LRRK1: variants seen among roughly 807,000 people sequenced by gnomAD.
LRRK1 encodes leucine-rich repeat serine/threonine-protein kinase 1.
LRRK1 carries 113 observed loss-of-function variants against 209.1 expected under a neutral mutation model. That is an observed-to-expected ratio of 0.54 (90% CI 0.46 to 0.63). The LOEUF (loss-of-function observed/expected upper bound fraction) is 0.63, where lower values mean the gene tolerates loss of function less well. Ranked by LOEUF, LRRK1 falls within the 30% of genes least tolerant of loss-of-function variation. The pLI is 0.00. For synonymous variants in LRRK1, 1,144 were observed against 1,099.7 expected, an observed-to-expected ratio of 1.04 and a Z score of -0.80; for missense variants, 2,284 against 2,632.2, an observed-to-expected ratio of 0.87 and a Z score of 2.89.
At chr15:101,041,938 CTCTT>C (rs1179062409) in intron 20 of LRRK1, among the ~76,000 whole-genome samples, 6 of 152,258 alleles carry the variant, frequency 3.9e-5, no homozygotes, top group African/African-American at 1.2e-4. Context: ...CTCTCTCTCT[CTCTT>C]TCTAAATATC....
At position 100,989,296 on chromosome 15, in the gene LRRK1, C is replaced by T. The variant is rs750715367; in HGVS notation, c.660C>T (p.Phe220=). 4 of 1,614,134 alleles carry T rather than the reference C, an allele frequency of 2.5e-6. No homozygotes were observed. The highest frequency in any genetic ancestry group is 3.4e-6 in the Non-Finnish European group (4 of 1,179,976). Residue 220 remains phenylalanine, a synonymous_variant, in exon 6 of 34, where the codon TTC becomes TTT. Transcript: ENST00000388948. The part of the protein sequence containing the change: ...AIFLLRHGAY[F]CSYILLDSPD... ...TCCTGCTTCGGCATGGGGCCTATTT[C>T]TGTTCCTACATCTTGCTGGATAGTC...
At chr15:100,990,457 C>T (rs1054181729) in intron 6 of LRRK1, among the ~76,000 whole-genome samples, 1 of 152,118 alleles carries the variant, frequency 6.6e-6, no homozygotes, top group Non-Finnish European at 1.5e-5. Context: ...TGGTGATTCA[C>T]ATTTTCACCA....
chr15:101,048,828 G>A (rs926955619), intron 22 of LRRK1, among the ~76,000 whole-genome samples, 171 bp downstream of exon 22: 6 of 152,200 alleles, frequency 3.9e-5, no homozygotes, highest in African/African-American at 7.2e-5. Context: ...TGTCCCAGAG[G>A]CTCCGGTCTC....
At chr15:100,973,715 C>G (rs1173503211) in intron 2 of LRRK1, 89 bp from the exon 3 acceptor site, 17 of 1,192,936 alleles carry the variant, frequency 1.4e-5, no homozygotes, top group Non-Finnish European at 1.7e-5. Context: ...CAACGGGCCG[C>G]GCCGCCTCCT....
intron 2 of LRRK1, among the ~76,000 whole-genome samples, chr15:100,968,516 G>A (rs1242834244): frequency 6.6e-6 from 1 of 152,128 alleles, no homozygotes; most frequent in African/African-American, 2.4e-5. Context: ...TACAGTTTTA[G>A]CCATTCTGGT....
chr15:100,942,736 A>G (rs2042465105), intron 2 of LRRK1, among the ~76,000 whole-genome samples: 1 of 152,202 alleles, frequency 6.6e-6, no homozygotes, highest in Admixed American at 6.5e-5. Flanking sequence ...CTCACTGAAG[A>G]AAACTGGTAC....
At chr15:101,068,550 A>G (rs1339869281) in intron 33 of LRRK1, 121 bp from the exon 34 acceptor site, 1 of 1,023,488 alleles carries the variant, frequency 9.8e-7, no homozygotes, top group Non-Finnish European at 1.4e-6. Flanking sequence ...AGGGCTGGCA[A>G]GCAGACACAC....
intron 2 of LRRK1, among the ~76,000 whole-genome samples, chr15:100,964,051 T>C (rs1418414646): frequency 6.6e-6 from 1 of 152,192 alleles, no homozygotes; most frequent in Non-Finnish European, 1.5e-5. Context: ...TGGTAATCTA[T>C]GCCGTGAAGC....
chr15:101,024,746 T>C lies in LRRK1; in HGVS notation c.2068-57T>C. ...GAGTTATCCGTTGTCTCCGTTTGATTGACTGAAGCCTTTGTCTCTAAAATG... is the reference window on the plus strand; with the variant it reads ...GAGTTATCCGTTGTCTCCGTTTGATCGACTGAAGCCTTTGTCTCTAAAATG... On this transcript the variant is annotated intron_variant, in intron 15 of 33. Transcript: ENST00000388948. This position sits in a 1 kb window ranked among gnomAD's most constrained non-coding sequence, Gnocchi z 4.6. 1.9e-6 allele frequency: 3 copies of C among 1,565,470 alleles called. No homozygotes were observed. In the South Asian group the frequency reaches 3.4e-5, roughly 18 times the overall value.
chr15:101,009,040 A>G lies in LRRK1; in HGVS notation c.966A>G (p.Ser322=), dbSNP rs745954397. The change falls in exon 7 of 34, where the codon TCA becomes TCG. Residue 322 remains serine (S), a synonymous_variant. Coordinates refer to ENST00000388948, the MANE Select transcript of LRRK1 (RefSeq NM_024652.6). ...NHLGELPGVQ[S]SDEIICSRLL... is the part of the protein sequence containing the mutation. The stretch of plus-strand genomic sequence containing the variant: ...TGGGGGAGCTGCCTGGCGTGCAGTC[A>G]TCGGACGAAATCATCTGTTCCAGGT... 5 of 1,613,990 alleles carry G rather than the reference A, an allele frequency of 3.1e-6. No homozygotes were observed. The South Asian group carries it at 5.5e-5, about 18-fold the overall frequency.
rs1243857037 is a variant in LRRK1 at position 101,010,692 on chromosome 15, T to C, written c.1136T>C (p.Leu379Ser). 6.2e-7 allele frequency: 1 copy of C among 1,610,856 alleles called. No individual in the cohort carries two copies. The highest frequency in any genetic ancestry group is 1.3e-5 in the African/African-American group (1 of 74,354). Residue 379 changes from leucine (L) to serine (S), a missense_variant, in exon 9 of 34, where the codon TTA becomes TCA. By Grantham distance (145) the Leu-to-Ser change is moderately radical (BLOSUM62 -2). Around this residue, in one of 6 missense-constraint regions of LRRK1, gnomAD observed 494 missense variants for 522.1 expected, o/e 0.95. Coordinates refer to ENST00000388948, the MANE Select transcript of LRRK1 (RefSeq NM_024652.6). ...EEENATNWIG[L>S]RKLQELDISD... ...TTTTTAGCCACTAACTGGATAGGTT[T>C]ACGGAAGCTACAGGAACTTGATATA... is the stretch of plus-strand genomic sequence containing the variant.
intron 6 of LRRK1, among the ~76,000 whole-genome samples, chr15:100,991,691 T>A (rs919243637): frequency 6.6e-6 from 1 of 152,206 alleles, no homozygotes; most frequent in African/African-American, 2.4e-5. Flanking sequence ...TTTTTTCTAA[T>A]ATTTATACAA....
Position 101,011,903 on chromosome 15 carries a change from T to C in LRRK1, c.1282-105T>C, listed in dbSNP as rs188425294. 133 of 805,934 alleles carry C rather than the reference T, an allele frequency of 1.7e-4. No homozygotes were observed. In the Middle Eastern group the frequency reaches 1.7e-3, roughly 10 times the overall value. The allele number at this position is 805,934 out of a possible 1,614,324, so 49.9% of individuals were successfully genotyped here. A position where few individuals can be genotyped will look rare whatever the true frequency, so the allele number is the denominator to read the frequency against. ...CAGTCATCTTCATTACAGGACATTA[T>C]TGTAATGGTCCATTTTTAACATCAA... is the stretch of plus-strand genomic sequence containing the variant. On this transcript the variant is annotated intron_variant, in intron 9 of 33. Transcript: ENST00000388948.
At chr15:101,011,968 G>C in intron 9 of LRRK1, 40 bp from the exon 10 acceptor site, 1 of 1,482,212 alleles carries the variant, frequency 6.7e-7, no homozygotes, top group Non-Finnish European at 9.2e-7. Context: ...CATTTAAAGA[G>C]CTAACTAATA....
Position 101,027,652 on chromosome 15 carries a change from C to T in LRRK1, c.2541C>T (p.Tyr847=), listed in dbSNP as rs764808328. ...RLAGRLIPRS[Y]LSLQEAVLAE... is the part of the protein sequence containing the mutation. ...CTGTCCCCCAGATCCCCAGGAGCTA[C>T]CTGAGCCTGCAGGAGGCCGTGCTGG... The change falls in exon 19 of 34, where the codon TAC becomes TAT. Residue 847 remains tyrosine (Y), a synonymous_variant. Transcript: ENST00000388948. The surrounding 1 kb of genome is among the most constrained non-coding windows in gnomAD (Gnocchi z 5.1). 5 of 1,612,564 alleles carry T rather than the reference C, an allele frequency of 3.1e-6. No homozygotes were observed. In the East Asian group the frequency reaches 1.1e-4, roughly 36 times the overall value.
intron 2 of LRRK1, among the ~76,000 whole-genome samples, chr15:100,934,511 C>G (rs58174776): frequency 6.6e-6 from 1 of 150,692 alleles, no homozygotes; most frequent in Non-Finnish European, 1.5e-5. Context: ...AACAAGAGAG[C>G]TGAGCAAGGT....
At chr15:101,067,494 C>T (rs2036604457) in intron 33 of LRRK1, 1 of 301,400 alleles carries the variant, frequency 3.3e-6, no homozygotes, top group African/African-American at 2.2e-5. Flanking sequence ...TCACACTAGG[C>T]CTGTTTCCCT....
chr15:100,920,840 C>T (rs1465518301), intron 1 of LRRK1, among the ~76,000 whole-genome samples: 1 of 152,158 alleles, frequency 6.6e-6, no homozygotes, highest in Non-Finnish European at 1.5e-5. Context: ...AACTGGCACG[C>T]AATCCAGGAG....
chr15:101,024,143 T>C lies in LRRK1; in HGVS notation c.2068-660T>C, dbSNP rs978497497. ...CTCTCTGTGGCCGGCCTCAGCCAGT[T>C]GAGAACAGCTGTTTTCATCTTTATA... On this transcript the variant is annotated intron_variant, in intron 15 of 33. Transcript: ENST00000388948. The surrounding 1 kb of genome is among the most constrained non-coding windows in gnomAD (Gnocchi z 4.6). Among the ~76,000 whole-genome samples the C allele has an allele frequency of 1.3e-5, 2 of 152,164 alleles. No individual in the cohort carries two copies. The highest frequency in any genetic ancestry group is 4.8e-5 in the African/African-American group (2 of 41,436).
Sources: allele counts gnomAD v4.1 joint callset (sites outside exome capture counted in the v4.1 genomes callset), GRCh38; gene constraint gnomAD v4.1.1; regional missense constraint gnomAD v4.1.1; non-coding constraint Gnocchi (gnomAD v3.1); transcripts MANE v1.5; gene names NCBI Gene and HGNC (gene_info 2026-07-23, HGNC 2026-07-21).